IQCE: variants seen among roughly 807,000 people sequenced by gnomAD.
IQCE encodes IQ domain-containing protein E.
IQCE carries 115 observed loss-of-function variants against 96.0 expected under a neutral mutation model. The ratio of observed to expected loss-of-function variants is 1.20; its 90% CI spans 1.03 to 1.40. The LOEUF (loss-of-function observed/expected upper bound fraction) is 1.40. Ranked by LOEUF, IQCE falls within the 40% of genes most tolerant of loss-of-function variation. The pLI is 0.00. For missense variants in IQCE, 1,041 were observed against 909.1 expected, an observed-to-expected ratio of 1.15 and a Z score of -1.87; for synonymous variants, 412 against 371.2, an observed-to-expected ratio of 1.11 and a Z score of -1.26.
rs746136771 is a variant in IQCE, at chr7:2,589,930, A to C, written c.1068A>C (p.Ser356=). 6 of 1,613,928 alleles carry C rather than the reference A, an allele frequency of 3.7e-6. No individual in the cohort carries two copies. The South Asian group carries it at 6.6e-5, about 18-fold the overall frequency. The change falls in exon 14 of 22, where the codon TCA becomes TCC. Residue 356 remains serine, a synonymous_variant. Coordinates refer to ENST00000402050, the MANE Select transcript of IQCE (RefSeq NM_152558.5). ...AGAAACTAAGTGTGATGGAGAGCTCAAAATCACACGCCGCAGAGCCAGTCA... is the reference window on the plus strand; with the variant it reads ...AGAAACTAAGTGTGATGGAGAGCTCCAAATCACACGCCGCAGAGCCAGTCA... ...LEKKLSVMES[S]KSHAAEPVRS...
At chr7:2,575,968 G>A (rs955291826) in intron 6 of IQCE, among the ~76,000 whole-genome samples, 18 of 152,190 alleles carry the variant, frequency 1.2e-4, no homozygotes, top group Middle Eastern at 3.2e-3. Context: ...TCTGCTTCAC[G>A]CTCTTGGAAG....
intron 15 of IQCE, among the ~76,000 whole-genome samples, chr7:2,594,479 C>T (rs1783863110): frequency 6.6e-6 from 1 of 152,236 alleles, no homozygotes; most frequent in South Asian, 2.1e-4. Flanking sequence ...TTATTTATCT[C>T]AAATGCTTGG....
intron 9 of IQCE, 118 bp from the exon 10 acceptor site, chr7:2,583,519 C>A: frequency 3.7e-6 from 2 of 542,872 alleles, no homozygotes; most frequent in Non-Finnish European, 6.1e-6. Context: ...CTTTTCCCTC[C>A]CATCCTGGGT....
At chr7:2,598,327 C>T in intron 16 of IQCE, 138 bp from the exon 17 acceptor site, 1 of 801,688 alleles carries the variant, frequency 1.2e-6, no homozygotes, top group Non-Finnish European at 1.9e-6. Context: ...CAGTGTGGAA[C>T]AGCTCTCTCC....
At chr7:2,559,302 G>C in intron 1 of IQCE, 85 bp downstream of exon 1, 1 of 766,044 alleles carries the variant, frequency 1.3e-6, no homozygotes, top group Non-Finnish European at 1.7e-6. Flanking sequence ...GGGGCCCCGC[G>C]CAGGGGCCGG....
chr7:2,606,444 G>A (rs1784831939), intron 20 of IQCE, among the ~76,000 whole-genome samples: 1 of 152,130 alleles, frequency 6.6e-6, no homozygotes, highest in South Asian at 2.1e-4. Context: ...CCTCTTGGTG[G>A]GTTTGCTAGG....
intron 8 of IQCE, chr7:2,581,886 G>A (rs1436390719): frequency 3.9e-6 from 1 of 256,368 alleles, no homozygotes; most frequent in African/African-American, 2.3e-5. Context: ...ATTTTTTTTT[G>A]TATTTTTAGT....
chr7:2,576,971 T>G (rs1361025962), intron 6 of IQCE, among the ~76,000 whole-genome samples: 1 of 152,122 alleles, frequency 6.6e-6, no homozygotes, highest in Non-Finnish European at 1.5e-5. Context: ...GGGACGGGGT[T>G]TCTCATCACG....
intron 16 of IQCE, among the ~76,000 whole-genome samples, chr7:2,595,569 G>T (rs1456013577): frequency 4.6e-5 from 7 of 152,210 alleles, no homozygotes; most frequent in Non-Finnish European, 1.0e-4. Flanking sequence ...CTACCCGGGG[G>T]CAGCTAGTCG....
intron 1 of IQCE, among the ~76,000 whole-genome samples, chr7:2,562,413 G>C (rs552742356): frequency 6.6e-6 from 1 of 151,792 alleles, no homozygotes; most frequent in Non-Finnish European, 1.5e-5. Context: ...TCTGCTTTTG[G>C]TATCAGTGTA....
rs1785085408 is a variant in IQCE at position 2,611,123 on chromosome 7, CTGGGCT to C, written c.*962_*967del. 2.2e-5 allele frequency: 3 copies of C among 136,010 alleles called. No individual in the cohort carries two copies. Among genetic ancestry groups the C allele is most frequent in the Non-Finnish European group, 3.2e-5 (2 of 62,618 alleles). 8.4% of individuals were successfully genotyped at this position (136,010 alleles called of 1,614,324 possible). On this transcript the variant is annotated 3_prime_UTR_variant, in exon 22 of 22. Coordinates refer to ENST00000402050, the MANE Select transcript of IQCE (RefSeq NM_152558.5). ...TCCCAAGCTCCATGGCTGGGCTGGG[CTGGGCT>C]GGGCTGGGCTGGGCCGGGCGTGCGG...
chr7:2,597,475 G>A (rs572125751), intron 16 of IQCE, among the ~76,000 whole-genome samples: 3 of 152,368 alleles, frequency 2.0e-5, no homozygotes, highest in African/African-American at 7.2e-5. Context: ...GAAGTCTGTG[G>A]ACAGGCCACC....
intron 6 of IQCE, among the ~76,000 whole-genome samples, chr7:2,574,712 T>C (rs1282646477): frequency 1.3e-5 from 2 of 152,238 alleles, no homozygotes; most frequent in Non-Finnish European, 2.9e-5. Context: ...CTTGAGTTGT[T>C]TTTTCAGCCT....
chr7:2,584,811 C>T (rs1280327285), intron 11 of IQCE: 1 of 155,366 alleles, frequency 6.4e-6, no homozygotes, highest in Non-Finnish European at 1.4e-5. Context: ...GACTGCTTTC[C>T]TTTTTCTTTA....
intron 3 of IQCE, among the ~76,000 whole-genome samples, chr7:2,569,238 C>T (rs1413015311): frequency 6.6e-6 from 1 of 152,138 alleles, no homozygotes; most frequent in African/African-American, 2.4e-5. Flanking sequence ...CGAGCCCTTT[C>T]TCAGGGCTGA....
chr7:2,576,814 C>T (rs115599144), intron 6 of IQCE, among the ~76,000 whole-genome samples: 1 of 152,194 alleles, frequency 6.6e-6, no homozygotes, highest in Non-Finnish European at 1.5e-5. Flanking sequence ...TGAGGATGAG[C>T]ATTTGAAATG....
chr7:2,588,001 C>T (rs1010245538), intron 13 of IQCE, 124 bp downstream of exon 13: 14 of 896,516 alleles, frequency 1.6e-5, no homozygotes, highest in Non-Finnish European at 2.6e-5. Context: ...CAGCGCCACA[C>T]ACAGACCGCA....
In IQCE at chr7:2,569,099, C is replaced by A. The variant is rs1349202852; in HGVS notation, c.130+100C>A. On this transcript the variant is annotated intron_variant, in intron 3 of 21. Transcript: ENST00000402050. ...CTTTGTACATTTAGGTAGCTGAGAC[C>A]TGACGCCTCAGCCAGTTGGCCCCAT... 2.2e-5 allele frequency: 25 copies of A among 1,157,748 alleles called. 1 individual carries two copies. In the Admixed American group the frequency reaches 4.3e-4, roughly 20 times the overall value. The allele number at this position is 1,157,748 out of a possible 1,614,324, so 71.7% of individuals were successfully genotyped here. A position where few individuals can be genotyped will look rare whatever the true frequency, so the allele number is the denominator to read the frequency against.
At chr7:2,580,163 G>A (rs1368315314) in intron 8 of IQCE, 4 of 152,064 alleles carry the variant, frequency 2.6e-5, no homozygotes, top group Admixed American at 2.0e-4. Flanking sequence ...CTGCCTTCAA[G>A]AAACATTTGC....
Sources: allele counts gnomAD v4.1 joint callset (sites outside exome capture counted in the v4.1 genomes callset), GRCh38; gene constraint gnomAD v4.1.1; transcripts MANE v1.5; gene names NCBI Gene and HGNC (gene_info 2026-07-23, HGNC 2026-07-21).